Variants in CCDC85A observed in about 807,000 individuals in gnomAD.
CCDC85A encodes coiled-coil domain-containing protein 85A.
In CCDC85A, 38 loss-of-function variants were observed where a neutral mutation model predicts 50.2. The observed-to-expected ratio is 0.76, with a 90% confidence interval of 0.58 to 0.99. The LOEUF is 0.99. Among genes scored for constraint, CCDC85A ranks in the 50% least tolerant of loss-of-function variants. The pLI, the probability that CCDC85A is intolerant of heterozygous loss-of-function variation, is 0.00. For synonymous variants in CCDC85A, 366 were observed against 301.4 expected, an observed-to-expected ratio of 1.21 and a Z score of -2.22; for missense variants, 820 against 742.0, an observed-to-expected ratio of 1.11 and a Z score of -1.22.
At chr2:56,279,113 T>C (rs1671090211) in intron 2 of CCDC85A, among the ~76,000 whole-genome samples, 1 of 152,176 alleles carries the variant, frequency 6.6e-6, no homozygotes, top group African/African-American at 2.4e-5. Flanking sequence ...TGTATCCTTG[T>C]TAGCATGAAG....
In CCDC85A at chr2:56,384,408, CA is replaced by C; in HGVS notation, c.*55del. The C allele has an allele frequency of 6.8e-7, 1 of 1,462,164 alleles. No homozygotes were observed. The highest frequency in any genetic ancestry group is 2.3e-5 in the East Asian group (1 of 43,948). 90.6% of individuals were successfully genotyped at this position (1,462,164 alleles called of 1,614,324 possible). On this transcript the variant is annotated 3_prime_UTR_variant, in exon 6 of 6. Transcript: ENST00000407595. ...ACCACTGCCAGAAAGTGATAGAAGA[CA>C]AGAAGAAAAAGGAAAGAGTGGGTTT...
chr2:56,378,976 C>A (rs1676463341), intron 5 of CCDC85A, among the ~76,000 whole-genome samples: 1 of 152,092 alleles, frequency 6.6e-6, no homozygotes, highest in South Asian at 2.1e-4. Flanking sequence ...GTTATTTTCT[C>A]CTTTTGTAGT....
chr2:56,258,595 A>C (rs899550798), intron 2 of CCDC85A, among the ~76,000 whole-genome samples: 1 of 152,236 alleles, frequency 6.6e-6, no homozygotes, highest in African/African-American at 2.4e-5. Context: ...TTTTGGTAGA[A>C]TGGGATAGAT....
chr2:56,360,627 GT>G (rs1675476607), intron 3 of CCDC85A, among the ~76,000 whole-genome samples: 1 of 152,152 alleles, frequency 6.6e-6, no homozygotes, highest in Non-Finnish European at 1.5e-5. Flanking sequence ...ACCTTTACCT[GT>G]GTAATTCCCT....
chr2:56,366,804 G>C (rs1675818971), intron 3 of CCDC85A, among the ~76,000 whole-genome samples: 1 of 152,112 alleles, frequency 6.6e-6, no homozygotes, highest in Non-Finnish European at 1.5e-5. Context: ...TCTGTACATA[G>C]GCTACAATCC....
At chr2:56,350,056 A>C (rs564307542) in intron 3 of CCDC85A, among the ~76,000 whole-genome samples, 1 of 151,388 alleles carries the variant, frequency 6.6e-6, no homozygotes, top group Non-Finnish European at 1.5e-5. Context: ...CCTTGAACTT[A>C]TAGAAATGCT....
intron 5 of CCDC85A, among the ~76,000 whole-genome samples, chr2:56,377,521 C>G (rs534603875): frequency 9.2e-5 from 14 of 152,250 alleles, no homozygotes; most frequent in Admixed American, 8.5e-4. Context: ...TAGTGAGTCA[C>G]ACTGAAATAT....
At chr2:56,281,971 G>C (rs569927430) in intron 2 of CCDC85A, among the ~76,000 whole-genome samples, 7 of 152,198 alleles carry the variant, frequency 4.6e-5, no homozygotes, top group African/African-American at 1.7e-4. Flanking sequence ...TTTGTGGTCT[G>C]TACTTGTATC....
chr2:56,232,890 A>G (rs937867044), intron 2 of CCDC85A, among the ~76,000 whole-genome samples: 7 of 152,102 alleles, frequency 4.6e-5, no homozygotes. Flanking sequence ...GTCACATTGG[A>G]TCACTCACTA....
At chr2:56,255,232 A>G (rs1363458380) in intron 2 of CCDC85A, among the ~76,000 whole-genome samples, 2 of 152,220 alleles carry the variant, frequency 1.3e-5, no homozygotes, top group Non-Finnish European at 2.9e-5. Context: ...AGGTTATAAT[A>G]GCATTTACTG....
rs377686627 is a variant in CCDC85A at position 56,253,078 on chromosome 2, C to G, written c.1240+59638C>G. Among the ~76,000 whole-genome samples, 12 of 152,134 alleles carry G rather than the reference C, an allele frequency of 7.9e-5. No individual in the cohort carries two copies. The East Asian group carries it at 1.7e-3, about 22-fold the overall frequency. On this transcript the variant is annotated intron_variant, in intron 2 of 5. Coordinates refer to ENST00000407595, the MANE Select transcript of CCDC85A (RefSeq NM_001080433.2). ...AGTAAAATATACAGACAGAAGAAGACTGTTCTTATTATAGGTGTATAGCTC... is the reference window on the plus strand; with the variant it reads ...AGTAAAATATACAGACAGAAGAAGAGTGTTCTTATTATAGGTGTATAGCTC...
At chr2:56,329,428 A>T (rs76028094) in intron 2 of CCDC85A, among the ~76,000 whole-genome samples, 1 of 152,190 alleles carries the variant, frequency 6.6e-6, no homozygotes, top group Non-Finnish European at 1.5e-5. Context: ...CATAGTTAGT[A>T]CTTAATAAAT....
intron 2 of CCDC85A, among the ~76,000 whole-genome samples, chr2:56,211,793 C>T (rs1433738597): frequency 1.3e-5 from 2 of 151,932 alleles, no homozygotes; most frequent in African/African-American, 2.4e-5. Context: ...TTAGCCTAGA[C>T]CCACATAATT....
At chr2:56,330,718 C>T (rs1482103861) in intron 2 of CCDC85A, among the ~76,000 whole-genome samples, 2 of 152,206 alleles carry the variant, frequency 1.3e-5, no homozygotes, top group East Asian at 3.9e-4. Context: ...TGACAAAATG[C>T]CATTTCCCCC....
At chr2:56,369,985 C>T (rs1675994681) in intron 3 of CCDC85A, among the ~76,000 whole-genome samples, 1 of 152,062 alleles carries the variant, frequency 6.6e-6, no homozygotes, top group Non-Finnish European at 1.5e-5. Context: ...GAGTACTTAC[C>T]ACAGAGTAAG....
At chr2:56,339,412 C>G (rs1041007868) in intron 2 of CCDC85A, among the ~76,000 whole-genome samples, 2 of 152,050 alleles carry the variant, frequency 1.3e-5, no homozygotes, top group African/African-American at 4.8e-5. Flanking sequence ...TTTTCCTGAA[C>G]TGACATAATA....
chr2:56,244,237 C>G, intron 2 of CCDC85A, among the ~76,000 whole-genome samples: 1 of 152,098 alleles, frequency 6.6e-6, no homozygotes, highest in East Asian at 1.9e-4. Context: ...TAGAAATCTA[C>G]CTGGTGCTCT....
At position 56,226,716 on chromosome 2, in the gene CCDC85A, C is replaced by T. The variant is rs529193141; in HGVS notation, c.1240+33276C>T. Among the ~76,000 whole-genome samples the T allele has an allele frequency of 2.7e-4, 41 of 152,076 alleles. No homozygotes were observed. The South Asian group carries it at 4.6e-3, about 17-fold the overall frequency. On this transcript the variant is annotated intron_variant, in intron 2 of 5. Coordinates refer to ENST00000407595, the MANE Select transcript of CCDC85A (RefSeq NM_001080433.2). The stretch of plus-strand genomic sequence containing the variant: ...CCAAATGTAGTAATGGCAACCATTC[C>T]CCAGCCCTCCTACTCTTCCCATCCG...
chr2:56,306,047 G>A (rs1344800661), intron 2 of CCDC85A, among the ~76,000 whole-genome samples: 2 of 152,168 alleles, frequency 1.3e-5, no homozygotes, highest in African/African-American at 4.8e-5. Context: ...ACTATGCTAA[G>A]TGTAATGGCT....
Sources: gnomAD v4.1 joint callset for allele counts (sites outside exome capture counted in the v4.1 genomes callset) on GRCh38, gnomAD v4.1.1 for gene constraint, MANE v1.5 for transcripts, NCBI Gene and HGNC (gene_info 2026-07-23, HGNC 2026-07-21) for gene names.